CTNNA2: variants seen among roughly 807,000 people sequenced by gnomAD.
The protein encoded by CTNNA2 is catenin alpha 2, also known as catenin alpha-2.
In CTNNA2, 42 loss-of-function variants were observed where a neutral mutation model predicts 101.0. The ratio of observed to expected loss-of-function variants is 0.42; its 90% CI spans 0.32 to 0.54. CTNNA2 has a LOEUF of 0.54. Among genes scored for constraint, CTNNA2 ranks in the 20% least tolerant of loss-of-function variants. The pLI is 0.14. For missense variants in CTNNA2, 871 were observed against 1,223.1 expected (o/e 0.71, Z 4.29); for synonymous variants, 450 against 456.4 (o/e 0.99, Z 0.18).
chr2:79,813,756 C>T (rs1195850025), intron 3 of CTNNA2, among the ~76,000 whole-genome samples: 2 of 152,110 alleles, frequency 1.3e-5, no homozygotes, highest in African/African-American at 4.8e-5. Flanking sequence ...AAGCTAAGGA[C>T]CTTCTTTTAA....
At chr2:79,576,113 C>G (rs1675779644) in intron 1 of CTNNA2, among the ~76,000 whole-genome samples, 1 of 152,170 alleles carries the variant, frequency 6.6e-6, no homozygotes. Flanking sequence ...AAATCAGACA[C>G]TTAAAAGATG....
In CTNNA2 at chr2:80,552,821, CAT is replaced by C. The variant is rs550385510; in HGVS notation, c.1541-2870_1541-2869del. Among the ~76,000 whole-genome samples the C allele has an allele frequency of 1.2e-4, 19 of 152,204 alleles. No homozygotes were observed. In the South Asian group the frequency reaches 3.9e-3, roughly 32 times the overall value. On this transcript the variant is annotated intron_variant, in intron 11 of 18. Coordinates refer to ENST00000402739, the MANE Select transcript of CTNNA2 (RefSeq NM_001282597.3). ...TTTTAAAAGTACGGTAAAAATATGA[CAT>C]AATCTTATGGGACTACCTTTAAGTA...
chr2:79,322,590 G>A (rs1045124398), intron 3 of CTNNA2, among the ~76,000 whole-genome samples: 1 of 152,174 alleles, frequency 6.6e-6, no homozygotes, highest in Admixed American at 6.5e-5. Flanking sequence ...AAAGAGAAAG[G>A]TTAGGTGTGG....
At chr2:80,045,535 T>G (rs1696457832) in intron 7 of CTNNA2, among the ~76,000 whole-genome samples, 1 of 152,194 alleles carries the variant, frequency 6.6e-6, no homozygotes, top group South Asian at 2.1e-4. Flanking sequence ...AATAAATAAT[T>G]ACAGTGAACC....
At chr2:79,827,880 A>T (rs1443682769) in intron 3 of CTNNA2, among the ~76,000 whole-genome samples, 1 of 152,186 alleles carries the variant, frequency 6.6e-6, no homozygotes, top group Non-Finnish European at 1.5e-5. Flanking sequence ...CAATGGAGTT[A>T]TGTCAAAGCA....
At chr2:80,214,230 T>C (rs7609096) in intron 7 of CTNNA2, among the ~76,000 whole-genome samples, 62,524 of 151,960 alleles carry the variant, frequency 0.41, 13,970 homozygotes, top group Non-Finnish European at 0.52. Context: ...TTAATATTGT[T>C]ATGTGTGAAT....
chr2:79,195,697 C>A (rs1286387325), intron 1 of CTNNA2: 1 of 402,780 alleles, frequency 2.5e-6, no homozygotes, highest in Non-Finnish European at 4.9e-6. Flanking sequence ...TCCCTTCCAT[C>A]CACTACTTCT....
chr2:79,651,118 A>G (rs1426488181), intron 1 of CTNNA2, among the ~76,000 whole-genome samples: 3 of 152,268 alleles, frequency 2.0e-5, no homozygotes, highest in African/African-American at 7.2e-5. Flanking sequence ...GCGATTCCTC[A>G]GGGATCTAGA....
intron 7 of CTNNA2, among the ~76,000 whole-genome samples, chr2:80,140,838 C>T (rs1288586473): frequency 6.6e-6 from 1 of 152,046 alleles, no homozygotes; most frequent in East Asian, 1.9e-4. Flanking sequence ...CCATCCCAAA[C>T]TGATTGCGAG....
chr2:79,338,765 G>A (rs1677064596), intron 3 of CTNNA2, among the ~76,000 whole-genome samples: 1 of 151,998 alleles, frequency 6.6e-6, no homozygotes, highest in Admixed American at 6.6e-5. Context: ...ATCTGGCCTA[G>A]GGTAGTGGTC....
intron 8 of CTNNA2, among the ~76,000 whole-genome samples, chr2:80,400,875 G>T (rs1461753706): frequency 1.3e-5 from 2 of 152,112 alleles, no homozygotes; most frequent in Admixed American, 6.5e-5. Flanking sequence ...CCTCCTGGTA[G>T]CTCCTAGACC....
chr2:80,358,598 C>G (rs1352152236), intron 7 of CTNNA2, among the ~76,000 whole-genome samples: 1 of 152,054 alleles, frequency 6.6e-6, no homozygotes, highest in Non-Finnish European at 1.5e-5. Flanking sequence ...GGTTATCTAC[C>G]CGCCTGAGCT....
chr2:80,238,165 T>C (rs1180733096), intron 7 of CTNNA2, among the ~76,000 whole-genome samples: 2 of 152,064 alleles, frequency 1.3e-5, no homozygotes, highest in African/African-American at 4.8e-5. Flanking sequence ...AATCCAGAAA[T>C]AAAAGTCCAT....
At chr2:80,246,483 A>G (rs1295872099) in intron 7 of CTNNA2, among the ~76,000 whole-genome samples, 1 of 152,210 alleles carries the variant, frequency 6.6e-6, no homozygotes, top group East Asian at 1.9e-4. Context: ...CATAACTTGA[A>G]TATAGAAAAT....
chr2:80,257,765 A>G lies in CTNNA2; in HGVS notation c.1057-135446A>G, dbSNP rs571592900. On this transcript the variant is annotated intron_variant, in intron 7 of 18. Transcript: ENST00000402739. ...CTCTGCCTTCGGCATTCTGTCAGGAATAAGCAATAATTGAACAAGGAGGCC... is the reference window on the plus strand; with the variant it reads ...CTCTGCCTTCGGCATTCTGTCAGGAGTAAGCAATAATTGAACAAGGAGGCC... Among the ~76,000 whole-genome samples the G allele has an allele frequency of 1.2e-3, 187 of 152,060 alleles. 1 individual carries two copies. The highest frequency in any genetic ancestry group is 4.2e-3 in the African/African-American group (175 of 41,306).
intron 7 of CTNNA2, among the ~76,000 whole-genome samples, chr2:80,112,402 C>A (rs1701271971): frequency 6.6e-6 from 1 of 152,120 alleles, no homozygotes; most frequent in African/African-American, 2.4e-5. Context: ...TTTGACCTTT[C>A]ATAGAAAAAG....
At chr2:79,206,990 C>T (rs1416334519) in intron 2 of CTNNA2, among the ~76,000 whole-genome samples, 6 of 152,096 alleles carry the variant, frequency 3.9e-5, no homozygotes, top group Non-Finnish European at 7.4e-5. Flanking sequence ...GTGACAGTAT[C>T]ACATCTCTTC....
In CTNNA2 at chr2:80,098,297, A is replaced by G. The variant is rs988363971; in HGVS notation, c.1056+188500A>G. Among the ~76,000 whole-genome samples, 11 of 152,332 alleles carry G rather than the reference A, an allele frequency of 7.2e-5. No homozygotes were observed. The South Asian group carries it at 1.0e-3, about 14-fold the overall frequency. ...TCCAGACCCTGTTTGCCTGGGTATCAGCAGCGGTGGCTGCAGAACAGCGGA... is the reference window on the plus strand; with the variant it reads ...TCCAGACCCTGTTTGCCTGGGTATCGGCAGCGGTGGCTGCAGAACAGCGGA... On this transcript the variant is annotated intron_variant, in intron 7 of 18. Coordinates refer to ENST00000402739, the MANE Select transcript of CTNNA2 (RefSeq NM_001282597.3).
chr2:79,559,075 A>T (rs1558729241), intron 1 of CTNNA2, among the ~76,000 whole-genome samples: 1 of 151,950 alleles, frequency 6.6e-6, no homozygotes, highest in African/African-American at 2.4e-5. Flanking sequence ...AAAAATTTTG[A>T]TGAATGAATG....
Sources: allele counts gnomAD v4.1 joint callset (sites outside exome capture counted in the v4.1 genomes callset), GRCh38; gene constraint gnomAD v4.1.1; transcripts MANE v1.5; gene names NCBI Gene and HGNC (gene_info 2026-07-23, HGNC 2026-07-21).